SDK1: variants seen among roughly 807,000 people sequenced by gnomAD.
SDK1 encodes the protein sidekick cell adhesion molecule 1, also known as protein sidekick-1.
Under a neutral mutation model 245.5 loss-of-function variants are expected in SDK1, and 157 were observed. That is an observed-to-expected ratio of 0.64 (90% CI 0.56 to 0.73). The LOEUF (loss-of-function observed/expected upper bound fraction) is 0.73, where lower values mean the gene tolerates loss of function less well. Among genes scored for constraint, SDK1 ranks in the 30% least tolerant of loss-of-function variants. SDK1 has a pLI of 0.00. For missense variants in SDK1, 3,583 were observed against 3,002.3 expected (o/e 1.19, Z -4.52); for synonymous variants, 1,647 against 1,278.5 (o/e 1.29, Z -6.15).
chr7:3,928,909 C>T (rs149887448), intron 5 of SDK1, among the ~76,000 whole-genome samples: 136 of 152,320 alleles, frequency 8.9e-4, no homozygotes, highest in African/African-American at 3.1e-3. Context: ...AAACCCCACG[C>T]GTGCATTCTG....
intron 5 of SDK1, among the ~76,000 whole-genome samples, chr7:3,885,262 G>A (rs560976949): frequency 6.6e-6 from 1 of 152,172 alleles, no homozygotes; most frequent in African/African-American, 2.4e-5. Flanking sequence ...CTCTAGGCCG[G>A]CTGCTTTGGG....
chr7:3,600,632 G>T (rs1781225883), intron 1 of SDK1, among the ~76,000 whole-genome samples: 2 of 140,404 alleles, frequency 1.4e-5, no homozygotes, highest in Admixed American at 1.5e-4. Flanking sequence ...TTGGCTTACT[G>T]CAAGCTCCCG....
intron 5 of SDK1, among the ~76,000 whole-genome samples, chr7:3,852,502 C>A (rs1332358486): frequency 6.6e-6 from 1 of 151,554 alleles, no homozygotes; most frequent in Non-Finnish European, 1.5e-5. Flanking sequence ...AATCCCAGCA[C>A]TTTGGGAGGC....
At chr7:4,155,748 A>G (rs1483982553) in intron 30 of SDK1, among the ~76,000 whole-genome samples, 1 of 152,156 alleles carries the variant, frequency 6.6e-6, no homozygotes, top group African/African-American at 2.4e-5. Flanking sequence ...GGGGAATAGC[A>G]TCCTTATTCA....
chr7:3,763,492 C>G (rs1413664542), intron 4 of SDK1, among the ~76,000 whole-genome samples: 1 of 152,178 alleles, frequency 6.6e-6, no homozygotes, highest in Admixed American at 6.5e-5. Context: ...TTCCACCAGT[C>G]CATCTTATTT....
intron 1 of SDK1, among the ~76,000 whole-genome samples, chr7:3,332,823 G>T (rs891036704): frequency 3.3e-5 from 5 of 152,156 alleles, no homozygotes; most frequent in Non-Finnish European, 7.4e-5. Context: ...AATCTGCCAA[G>T]TTTTTTATGT....
At chr7:4,052,943 TG>T (rs1278270424) in intron 19 of SDK1, among the ~76,000 whole-genome samples, 1 of 151,368 alleles carries the variant, frequency 6.6e-6, no homozygotes, top group Non-Finnish European at 1.5e-5. Flanking sequence ...AAAAATTAGC[TG>T]GGTGTGGTGG....
At chr7:4,226,216 C>T (rs114417927) in intron 40 of SDK1, among the ~76,000 whole-genome samples, 5 of 152,152 alleles carry the variant, frequency 3.3e-5, no homozygotes, top group South Asian at 2.1e-4. Context: ...GAATGGGCCC[C>T]GTTTTGTATT....
chr7:3,399,883 C>G (rs1778840337), intron 1 of SDK1, among the ~76,000 whole-genome samples: 2 of 152,148 alleles, frequency 1.3e-5, no homozygotes, highest in South Asian at 4.1e-4. Flanking sequence ...TGGCTGGACT[C>G]TTGGCTGCCC....
At chr7:3,500,413 CT>C (rs1272367930) in intron 1 of SDK1, among the ~76,000 whole-genome samples, 1 of 152,054 alleles carries the variant, frequency 6.6e-6, no homozygotes, top group Admixed American at 6.5e-5. Flanking sequence ...CTTAGATTTA[CT>C]GGGTAGAGAA....
intron 23 of SDK1, 50 bp from the exon 24 acceptor site, chr7:4,113,239 C>T: frequency 6.3e-7 from 1 of 1,585,060 alleles, no homozygotes; most frequent in Non-Finnish European, 8.6e-7. Context: ...TCGTTCTTTT[C>T]CTTCTTACCT....
intron 1 of SDK1, among the ~76,000 whole-genome samples, chr7:3,567,234 G>C (rs1164727083): frequency 6.6e-6 from 1 of 152,136 alleles, no homozygotes; most frequent in Non-Finnish European, 1.5e-5. Context: ...TTGTTTATTA[G>C]CTTTGCAACC....
chr7:3,648,709 A>G (rs1374780079), intron 4 of SDK1, among the ~76,000 whole-genome samples: 2 of 152,224 alleles, frequency 1.3e-5, no homozygotes, highest in East Asian at 3.8e-4. Context: ...GGCTTTCAAA[A>G]TAATGTGCTT....
At chr7:3,997,222 G>T (rs534525326) in intron 14 of SDK1, among the ~76,000 whole-genome samples, 8 of 152,242 alleles carry the variant, frequency 5.3e-5, no homozygotes, top group African/African-American at 1.9e-4. Context: ...GGTTTTGTCC[G>T]AGTTCTCGTC....
chr7:4,144,870 A>C (rs1001500596), intron 28 of SDK1, among the ~76,000 whole-genome samples: 6 of 152,240 alleles, frequency 3.9e-5, no homozygotes, highest in Admixed American at 3.3e-4. Context: ...TTTGGAAGCC[A>C]CAGCGCCCCG....
At chr7:3,796,413 C>T (rs917101693) in intron 4 of SDK1, among the ~76,000 whole-genome samples, 5 of 152,202 alleles carry the variant, frequency 3.3e-5, no homozygotes, top group Admixed American at 2.0e-4. Flanking sequence ...GAAGCTGTTT[C>T]GCTGTTGCTT....
chr7:3,597,620 C>G (rs1029469194), intron 1 of SDK1, among the ~76,000 whole-genome samples: 1 of 152,154 alleles, frequency 6.6e-6, no homozygotes. Context: ...TGTTTCCTTA[C>G]AGTCTTAGTT....
chr7:3,525,740 A>G (rs916418471), intron 1 of SDK1, among the ~76,000 whole-genome samples: 4 of 151,956 alleles, frequency 2.6e-5, no homozygotes, highest in Admixed American at 1.3e-4. Flanking sequence ...ATGCCCTATT[A>G]TTTCCTGTCT....
At chr7:4,135,472 G>C (rs1165936855) in intron 28 of SDK1, among the ~76,000 whole-genome samples, 3 of 152,224 alleles carry the variant, frequency 2.0e-5, no homozygotes, top group African/African-American at 7.2e-5. Flanking sequence ...CACTGAAATA[G>C]CAAGAAAGAA....
Sources: allele counts gnomAD v4.1 joint callset (sites outside exome capture counted in the v4.1 genomes callset), GRCh38; gene constraint gnomAD v4.1.1; transcripts MANE v1.5; gene names NCBI Gene and HGNC (gene_info 2026-07-23, HGNC 2026-07-21).